COL21A1: variants seen among roughly 807,000 people sequenced by gnomAD.
The protein encoded by COL21A1 is collagen type XXI alpha 1 chain.
In COL21A1, 149 loss-of-function variants were observed where a neutral mutation model predicts 137.9. That is an observed-to-expected ratio of 1.08 (90% CI 0.95 to 1.24). The LOEUF (loss-of-function observed/expected upper bound fraction) is 1.24. Ranked by LOEUF, COL21A1 falls within the 50% of genes most tolerant of loss-of-function variation. COL21A1 has a pLI of 0.00. For missense variants in COL21A1, 1,167 were observed against 1,158.4 expected, an observed-to-expected ratio of 1.01 and a Z score of -0.11; for synonymous variants, 456 against 391.5, an observed-to-expected ratio of 1.16 and a Z score of -1.95.
At chr6:56,078,541 T>C (rs1562160322) in intron 17 of COL21A1, among the ~76,000 whole-genome samples, 1 of 151,648 alleles carries the variant, frequency 6.6e-6, no homozygotes, top group African/African-American at 2.4e-5. Flanking sequence ...TCACAGCAGG[T>C]GCTAGAGCTG....
At chr6:56,127,338 C>T (rs553130317) in intron 12 of COL21A1, among the ~76,000 whole-genome samples, 12 of 152,130 alleles carry the variant, frequency 7.9e-5, no homozygotes, top group Non-Finnish European at 1.8e-4. Flanking sequence ...CCATTTTAAT[C>T]GTTTAGTTTC....
chr6:56,269,752 C>A (rs914478741), intron 1 of COL21A1, among the ~76,000 whole-genome samples: 1 of 151,396 alleles, frequency 6.6e-6, no homozygotes, highest in Non-Finnish European at 1.5e-5. Flanking sequence ...ACCACAAAAG[C>A]CAGAAGAGGT....
intron 17 of COL21A1, among the ~76,000 whole-genome samples, chr6:56,096,965 A>T (rs1267202265): frequency 6.6e-6 from 1 of 152,122 alleles, no homozygotes; most frequent in Non-Finnish European, 1.5e-5. Context: ...TCCACAAATG[A>T]TAAGAATCCA....
intron 16 of COL21A1, among the ~76,000 whole-genome samples, chr6:56,111,077 A>T (rs925886140): frequency 6.6e-6 from 1 of 151,894 alleles, no homozygotes; most frequent in Admixed American, 6.6e-5. Flanking sequence ...AATATCACCA[A>T]TGAATTTTCA....
chr6:56,272,119 G>A (rs1763542349), intron 1 of COL21A1, among the ~76,000 whole-genome samples: 1 of 152,220 alleles, frequency 6.6e-6, no homozygotes, highest in Admixed American at 6.5e-5. Flanking sequence ...CCAGATCAGA[G>A]AAAGGTAGAT....
At chr6:56,225,346 T>C (rs867927079) in intron 1 of COL21A1, among the ~76,000 whole-genome samples, 9 of 152,070 alleles carry the variant, frequency 5.9e-5, no homozygotes, top group East Asian at 3.9e-4. Context: ...TGCTGAGTGA[T>C]AGAATGACTC....
chr6:56,080,438 A>G (rs1031281216), intron 17 of COL21A1, among the ~76,000 whole-genome samples: 3 of 151,804 alleles, frequency 2.0e-5, no homozygotes, highest in Non-Finnish European at 4.4e-5. Flanking sequence ...CTGCTGTACA[A>G]CAAACAAGTT....
chr6:56,142,778 C>T (rs972954436), intron 10 of COL21A1, among the ~76,000 whole-genome samples: 1 of 152,180 alleles, frequency 6.6e-6, no homozygotes, highest in South Asian at 2.1e-4. Flanking sequence ...TATCAAGTTC[C>T]ATCTTTCTCA....
chr6:56,390,874 G>A (rs2094028233), intron 1 of COL21A1, among the ~76,000 whole-genome samples: 1 of 152,006 alleles, frequency 6.6e-6, no homozygotes, highest in Non-Finnish European at 1.5e-5. Context: ...ATAATTGTTG[G>A]GAACCTCAAC....
At chr6:56,307,150 A>T (rs1764481124) in intron 1 of COL21A1, among the ~76,000 whole-genome samples, 1 of 152,222 alleles carries the variant, frequency 6.6e-6, no homozygotes, top group African/African-American at 2.4e-5. Context: ...GATGCCTCCC[A>T]GTTAGGCAAC....
At position 56,267,753 on chromosome 6, in the gene COL21A1, T is replaced by C. The variant is rs1423668708; in HGVS notation, c.-38-85097A>G. ...GCCTGGGCAACAGAGCAAGACTCTG[T>C]TAAAAAAAAAAAAAAAAAAGAAGAA... is the stretch of plus-strand genomic sequence containing the variant. On this transcript the variant is annotated intron_variant, in intron 1 of 28. Transcript: ENST00000370819. 1.7e-4 allele frequency among the ~76,000 whole-genome samples: 4 copies of C among 23,126 alleles called. No homozygotes were observed. The East Asian group carries it at 7.9e-3, about 46-fold the overall frequency. 15.2% of individuals were successfully genotyped at this position (23,126 alleles called of 152,430 possible).
At chr6:56,284,181 G>A (rs908027205) in intron 1 of COL21A1, among the ~76,000 whole-genome samples, 1 of 151,900 alleles carries the variant, frequency 6.6e-6, no homozygotes, top group Non-Finnish European at 1.5e-5. Flanking sequence ...CCAAGTAGCT[G>A]GGACTACAGG....
chr6:56,316,477 C>CTTTTTTTTTTTTTTTTTTT (rs60388494), intron 1 of COL21A1, among the ~76,000 whole-genome samples: 2 of 75,790 alleles, frequency 2.6e-5, no homozygotes, highest in Admixed American at 2.3e-4. Context: ...TCTAAATAGA[C>CTTTTTTTTTTTTTTTTTTT]TTTTTTTTTT....
intron 1 of COL21A1, among the ~76,000 whole-genome samples, chr6:56,224,889 C>T (rs998471658): frequency 2.0e-5 from 3 of 152,032 alleles, no homozygotes; most frequent in African/African-American, 7.2e-5. Flanking sequence ...TCACACCAAC[C>T]TCTTTTCCCA....
At chr6:56,303,810 A>T (rs1230893152) in intron 1 of COL21A1, among the ~76,000 whole-genome samples, 3 of 152,158 alleles carry the variant, frequency 2.0e-5, no homozygotes. Flanking sequence ...GTCTTGTACC[A>T]GTTTTCAAAG....
At chr6:56,130,703 G>A (rs1313814722) in intron 12 of COL21A1, among the ~76,000 whole-genome samples, 1 of 152,134 alleles carries the variant, frequency 6.6e-6, no homozygotes, top group Non-Finnish European at 1.5e-5. Context: ...TGTGCCGAAG[G>A]AAGATTTTTA....
chr6:56,217,326 C>T (rs938790921), intron 1 of COL21A1, among the ~76,000 whole-genome samples: 1 of 152,042 alleles, frequency 6.6e-6, no homozygotes, highest in Non-Finnish European at 1.5e-5. Context: ...TAAGTCAATG[C>T]TTTATCTCAG....
At chr6:56,283,780 T>C (rs1763837771) in intron 1 of COL21A1, among the ~76,000 whole-genome samples, 1 of 151,990 alleles carries the variant, frequency 6.6e-6, no homozygotes. Context: ...GAATATGTCA[T>C]AACTCAAAAA....
At chr6:56,242,742 AT>A (rs1250985842) in intron 1 of COL21A1, among the ~76,000 whole-genome samples, 1 of 152,186 alleles carries the variant, frequency 6.6e-6, no homozygotes, top group African/African-American at 2.4e-5. Context: ...TGAAAAAATT[AT>A]CTTTTTCACA....
Sources: allele counts gnomAD v4.1 joint callset (sites outside exome capture counted in the v4.1 genomes callset), GRCh38; gene constraint gnomAD v4.1.1; transcripts MANE v1.5; gene names NCBI Gene and HGNC (gene_info 2026-07-23, HGNC 2026-07-21).